HYLS1: variants seen among roughly 807,000 people sequenced by gnomAD.
HYLS1 encodes HYLS1 centriolar and ciliogenesis associated.
In HYLS1, 25 loss-of-function variants were observed where a neutral mutation model predicts 29.4. The ratio of observed to expected loss-of-function variants is 0.85; its 90% CI spans 0.62 to 1.19. The LOEUF (loss-of-function observed/expected upper bound fraction) is 1.19. Ranked by LOEUF, HYLS1 falls within the 50% of genes most tolerant of loss-of-function variation. HYLS1 has a pLI of 0.00. For missense variants in HYLS1, 352 were observed against 365.1 expected (o/e 0.96, Z 0.29); for synonymous variants, 128 against 126.7 (o/e 1.01, Z -0.07).
intron 2 of HYLS1, chr11:125,895,927 C>T (rs771873988): frequency 5.0e-6 from 8 of 1,613,268 alleles, no homozygotes; most frequent in Non-Finnish European, 6.8e-6. Flanking sequence ...GCACTAACTC[C>T]TTTATCTGTT....
At chr11:125,892,842 C>G (rs1193598943) in intron 2 of HYLS1, among the ~76,000 whole-genome samples, 1 of 152,174 alleles carries the variant, frequency 6.6e-6, no homozygotes, top group Non-Finnish European at 1.5e-5. Context: ...CCTGCAAAAT[C>G]TAAGCTTTTT....
chr11:125,895,927 C>G (rs771873988), intron 2 of HYLS1: 1 of 1,613,268 alleles, frequency 6.2e-7, no homozygotes, highest in Admixed American at 1.7e-5. Context: ...GCACTAACTC[C>G]TTTATCTGTT....
At chr11:125,893,712 TA>T in intron 2 of HYLS1, 2 of 1,318,604 alleles carry the variant, frequency 1.5e-6, no homozygotes, top group East Asian at 2.5e-5. Flanking sequence ...TACTTGCAAG[TA>T]AATTTTTTTT....
chr11:125,894,232 C>T (rs142225217), intron 2 of HYLS1: 2 of 1,613,036 alleles, frequency 1.2e-6, no homozygotes, highest in Non-Finnish European at 1.7e-6. Context: ...CATAGATCCA[C>T]TTGACATTTT....
intron 1 of HYLS1, among the ~76,000 whole-genome samples, chr11:125,890,380 G>C (rs781631860): frequency 6.6e-5 from 10 of 152,164 alleles, no homozygotes; most frequent in Non-Finnish European, 1.5e-4. Flanking sequence ...ATTTCTCCCA[G>C]TTTGTTGTCT....
At position 125,887,712 on chromosome 11, in the gene HYLS1, G is replaced by A. The variant is rs1208533913; in HGVS notation, c.-129G>A. On this transcript the variant is annotated 5_prime_UTR_variant, in exon 1 of 3. Transcript: ENST00000425380. The stretch of plus-strand genomic sequence containing the variant: ...CGCGAAAGCTAACAGAATCTGCGGT[G>A]CTCTGCTGGCGACTGGCAGGACGCG... 1 of 152,316 alleles carries A rather than the reference G, an allele frequency of 6.6e-6. No individual in the cohort carries two copies. Among genetic ancestry groups the A allele is most frequent in the Admixed American group, 6.5e-5 (1 of 15,290 alleles). 9.4% of individuals were successfully genotyped at this position (152,316 alleles called of 1,614,324 possible).
chr11:125,885,937 T>A (rs188467929), upstream of HYLS1, among the ~76,000 whole-genome samples: 977 of 152,316 alleles, frequency 6.4e-3, 6 homozygotes, highest in African/African-American at 0.023. Context: ...CACCCCCAGA[T>A]GGGACCATCT....
chr11:125,889,732 G>A (rs903300257), intron 1 of HYLS1, among the ~76,000 whole-genome samples: 3 of 151,864 alleles, frequency 2.0e-5, no homozygotes, highest in Non-Finnish European at 2.9e-5. Flanking sequence ...AGAGAGACTC[G>A]TCTCAAAAAA....
Position 125,899,789 on chromosome 11 carries a change from C to G in HYLS1, c.421C>G (p.Gln141Glu). The change falls in exon 3 of 3, where the codon CAG becomes GAG. Residue 141 changes from glutamine (Q) to glutamate (E), a missense_variant. Gln to Glu is a conservative substitution (Grantham distance 29). Transcript: ENST00000425380. ...LRQRLMNVQF[Q>E]EDKESSFDVS... ...ACAAAGGCTGATGAATGTACAGTTC[C>G]AGGAAGACAAGGAATCTTCATTTGA... The G allele has an allele frequency of 6.2e-7, 1 of 1,614,128 alleles. No individual in the cohort carries two copies. The highest frequency in any genetic ancestry group is 8.5e-7 in the Non-Finnish European group (1 of 1,179,990).
chr11:125,887,855 C>T (rs1944334762), intron 1 of HYLS1, 90 bp downstream of exon 1: 1 of 152,242 alleles, frequency 6.6e-6, no homozygotes, highest in East Asian at 1.9e-4. Context: ...CTTTTCCCAC[C>T]GTCGGGACGG....
chr11:125,888,055 C>T (rs542213958), intron 1 of HYLS1: 3 of 152,338 alleles, frequency 2.0e-5, no homozygotes, highest in Non-Finnish European at 4.4e-5. Flanking sequence ...CCTTTCTGAG[C>T]TCCTGGGCCG....
At chr11:125,892,667 TA>T (rs1309882236) in intron 2 of HYLS1, among the ~76,000 whole-genome samples, 1 of 152,192 alleles carries the variant, frequency 6.6e-6, no homozygotes, top group East Asian at 1.9e-4. Context: ...TTTGCCTCAC[TA>T]AAAATCTCTT....
Position 125,900,518 on chromosome 11 carries a change from G to T in HYLS1, c.*250G>T, listed in dbSNP as rs546504307. On this transcript the variant is annotated 3_prime_UTR_variant, in exon 3 of 3. Coordinates refer to ENST00000425380, the MANE Select transcript of HYLS1 (RefSeq NM_001134793.2). ...ACAACAGACCTGGTCTTTCTATTTT[G>T]TCAAATTAGTAAGGGCCCTTTGTGT... The T allele has an allele frequency of 8.1e-6, 4 of 491,974 alleles. No homozygotes were observed. In the East Asian group the frequency reaches 1.6e-4, roughly 20 times the overall value. The allele number at this position is 491,974 out of a possible 1,614,324, so 30.5% of individuals were successfully genotyped here.
rs1040124756 is a variant in HYLS1, at chr11:125,896,006, C to G, written c.-25-3338C>G. On this transcript the variant is annotated intron_variant, in intron 2 of 2. Coordinates refer to ENST00000425380, the MANE Select transcript of HYLS1 (RefSeq NM_001134793.2). Reference sequence around the variant, plus strand: ...GTCGAGTCTTGGTTAGAGCTTCAAACAGTTTCTCTTCAATGGTATTATTTG... The same window carrying G: ...GTCGAGTCTTGGTTAGAGCTTCAAAGAGTTTCTCTTCAATGGTATTATTTG... The G allele has an allele frequency of 2.6e-5, 42 of 1,614,072 alleles. No individual in the cohort carries two copies. The highest frequency in any genetic ancestry group is 6.7e-5 in the Admixed American group (4 of 60,010).
In HYLS1 at chr11:125,895,132, C is replaced by T. The variant is rs192533091; in HGVS notation, c.-26+3660C>T. 2.4e-4 allele frequency: 239 copies of T among 1,009,036 alleles called. No individual in the cohort carries two copies. The East Asian group carries it at 3.0e-3, about 13-fold the overall frequency. The allele number at this position is 1,009,036 out of a possible 1,614,324, so 62.5% of individuals were successfully genotyped here. A position where few individuals can be genotyped will look rare whatever the true frequency, so the allele number is the denominator to read the frequency against. ...TCCAATCTCAGCTCAGTGCAACCTC[C>T]GCCTCCTGGCTTCAAGCAATTCTTG... On this transcript the variant is annotated intron_variant, in intron 2 of 2. Coordinates refer to ENST00000425380, the MANE Select transcript of HYLS1 (RefSeq NM_001134793.2).
At chr11:125,899,234 C>T (rs1944682148) in intron 2 of HYLS1, 110 bp from the exon 3 acceptor site, 6 of 736,216 alleles carry the variant, frequency 8.1e-6, no homozygotes, top group Admixed American at 2.5e-5. Flanking sequence ...TTTATGATGG[C>T]CTTAGCCATT....
Position 125,900,020 on chromosome 11 carries a change from G to T in HYLS1, c.652G>T (p.Glu218Ter), listed in dbSNP as rs774714429. Residue 218 changes from glutamate (E) to a stop codon, truncating the protein, a stop_gained, in exon 3 of 3, where the codon GAG (glutamate) becomes TAG (stop). Coordinates refer to ENST00000425380, the MANE Select transcript of HYLS1 (RefSeq NM_001134793.2). LOFTEE classifies it high-confidence loss of function. ...GACAGACCGGGTAGCCCGGTATTTT[G>T]AGTACAAACGGGACTGGGACTCAAT... ...GKTDRVARYFEYKRDWDSIRL... is the reference protein window; with the variant it reads ...GKTDRVARYF 2.5e-6 allele frequency: 4 copies of T among 1,614,076 alleles called. No homozygotes were observed. Among genetic ancestry groups the T allele is most frequent in the Non-Finnish European group, 3.4e-6 (4 of 1,180,052 alleles).
chr11:125,892,089 A>G (rs1414931683), intron 2 of HYLS1, among the ~76,000 whole-genome samples: 2 of 152,254 alleles, frequency 1.3e-5, no homozygotes, highest in Admixed American at 6.5e-5. Flanking sequence ...TAAACATGGT[A>G]GAATTGTAAA....
chr11:125,886,947 G>C (rs941287210), upstream of HYLS1: 8 of 143,626 alleles, frequency 5.6e-5, no homozygotes, highest in Non-Finnish European at 1.2e-4. Flanking sequence ...AAAGTTGAGA[G>C]TAACACCATG....
Sources: allele counts gnomAD v4.1 joint callset (sites outside exome capture counted in the v4.1 genomes callset), GRCh38; gene constraint gnomAD v4.1.1; transcripts MANE v1.5; gene names NCBI Gene and HGNC (gene_info 2026-07-23, HGNC 2026-07-21).